The following CELF4 variants were observed in gnomAD, a reference collection of about 807,000 sequenced individuals.
The protein encoded by CELF4 is CUGBP Elav-like family member 4.
In CELF4, 18 loss-of-function variants were observed where a neutral mutation model predicts 59.9. The ratio of observed to expected loss-of-function variants is 0.30; its 90% CI spans 0.21 to 0.45. The LOEUF is 0.45. Ranked by LOEUF, CELF4 falls within the 20% of genes least tolerant of loss-of-function variation. CELF4 has a pLI of 1.00. For synonymous variants in CELF4, 261 were observed against 267.1 expected (o/e 0.98, Z 0.22); for missense variants, 456 against 689.0 (o/e 0.66, Z 3.79).
chr18:37,470,885 T>TGAGAGAGAGAGAGAGAGAGAGAGA (rs1569569558), intron 2 of CELF4, among the ~76,000 whole-genome samples: 1 of 79,602 alleles, frequency 1.3e-5, no homozygotes, highest in Non-Finnish European at 2.5e-5. Context: ...TGTGTGTGTG[T>TGAGAGAGAGAGAGAGAGAGAGAGA]GTGACAGAGA....
At chr18:37,265,149 T>G (rs1025889906) in intron 9 of CELF4, among the ~76,000 whole-genome samples, 94 of 151,424 alleles carry the variant, frequency 6.2e-4, no homozygotes, top group Admixed American at 9.2e-4. Context: ...TGCATGTGTG[T>G]GGGTGTATGT....
intron 2 of CELF4, among the ~76,000 whole-genome samples, chr18:37,336,766 C>T (rs1403056853): frequency 2.6e-5 from 4 of 152,216 alleles, no homozygotes; most frequent in Admixed American, 2.0e-4. Flanking sequence ...TGGCCGATGA[C>T]GGTGGATGCG....
chr18:37,477,184 C>G (rs1356036831), intron 2 of CELF4, among the ~76,000 whole-genome samples: 1 of 152,204 alleles, frequency 6.6e-6, no homozygotes, highest in Non-Finnish European at 1.5e-5. Flanking sequence ...AAGAGGAAAG[C>G]AGGTACAGGC....
chr18:37,319,921 G>A (rs2097032957), intron 3 of CELF4, among the ~76,000 whole-genome samples: 1 of 152,170 alleles, frequency 6.6e-6, no homozygotes, highest in South Asian at 2.1e-4. Context: ...GGGCAGCTGC[G>A]ACTGGCTGTC....
At chr18:37,420,053 T>C (rs1389581043) in intron 2 of CELF4, among the ~76,000 whole-genome samples, 2 of 152,224 alleles carry the variant, frequency 1.3e-5, no homozygotes. Context: ...GACACCCTGC[T>C]GGGAGGCTTG....
At chr18:37,511,051 C>T (rs1043213567) in intron 1 of CELF4, among the ~76,000 whole-genome samples, 3 of 152,280 alleles carry the variant, frequency 2.0e-5, no homozygotes, top group Admixed American at 1.3e-4. Context: ...TCCTGTGTCC[C>T]CCATCCCCCA....
chr18:37,267,303 G>A (rs980407082), intron 8 of CELF4, among the ~76,000 whole-genome samples: 3 of 152,254 alleles, frequency 2.0e-5, no homozygotes, highest in Non-Finnish European at 4.4e-5. Flanking sequence ...TGCCCAGTGG[G>A]AAGAGAGGTC....
rs772692202 is a variant in CELF4, at chr18:37,244,416, T to A, written c.*826A>T. On this transcript the variant is annotated 3_prime_UTR_variant, in exon 13 of 13. Coordinates refer to ENST00000420428, the MANE Select transcript of CELF4 (RefSeq NM_020180.4). ...CAAATATCCACCAATTTGTTCATCT[T>A]TTAACAGCTCCATCCAGACATAGAA... is the stretch of plus-strand genomic sequence containing the variant. 4.6e-5 allele frequency: 7 copies of A among 152,572 alleles called. No individual in the cohort carries two copies. The highest frequency in any genetic ancestry group is 8.8e-5 in the Non-Finnish European group (6 of 68,032). The allele number at this position is 152,572 out of a possible 1,614,324, so 9.5% of individuals were successfully genotyped here.
chr18:37,361,767 T>C (rs886566265), intron 2 of CELF4, among the ~76,000 whole-genome samples: 6 of 150,460 alleles, frequency 4.0e-5, no homozygotes, highest in Non-Finnish European at 8.9e-5. Flanking sequence ...TCCAGCCTCA[T>C]TGGGAAGACT....
chr18:37,262,407 G>A (rs12966638), intron 10 of CELF4, among the ~76,000 whole-genome samples: 3 of 150,702 alleles, frequency 2.0e-5, no homozygotes, highest in African/African-American at 7.4e-5. Context: ...GGTGGGGGAG[G>A]GGGGGGCAGG....
At position 37,565,768 on chromosome 18, in the gene CELF4, A is replaced by T. The variant is rs1249980328; in HGVS notation, c.-127T>A. The stretch of plus-strand genomic sequence containing the variant: ...GTTCTCTCCCCCTCGGTTTCTCTAC[A>T]CCTCGCTCTCCGCTCGCTCTCTGCT... On this transcript the variant is annotated 5_prime_UTR_variant, in exon 1 of 13. Coordinates refer to ENST00000420428, the MANE Select transcript of CELF4 (RefSeq NM_020180.4). The T allele has an allele frequency of 1.6e-6, 1 of 625,640 alleles. No individual in the cohort carries two copies. The highest frequency in any genetic ancestry group is 2.4e-6 in the Non-Finnish European group (1 of 408,400). The allele number at this position is 625,640 out of a possible 1,614,324, so 38.8% of individuals were successfully genotyped here. A position where few individuals can be genotyped will look rare whatever the true frequency, so the allele number is the denominator to read the frequency against.
chr18:37,293,431 G>A (rs1488146515), intron 3 of CELF4, among the ~76,000 whole-genome samples: 7 of 152,182 alleles, frequency 4.6e-5, no homozygotes, highest in African/African-American at 1.7e-4. Context: ...TTCTGTGTCT[G>A]TGTCTAAATT....
In CELF4 at chr18:37,532,718, G is replaced by A. The variant is rs147617051; in HGVS notation, c.286+32638C>T. ...TGTTGTCTATAGAAGTAACAGCCCC[G>A]TATTCAACATATATGGAAACTCAGT... On this transcript the variant is annotated intron_variant, in intron 1 of 12. Transcript: ENST00000420428. Among the ~76,000 whole-genome samples the A allele has an allele frequency of 2.6e-3, 403 of 152,230 alleles. 3 individuals are homozygous for A. Among genetic ancestry groups the A allele is most frequent in the African/African-American group, 8.9e-3 (370 of 41,548 alleles).
At chr18:37,369,320 C>T (rs1430505400) in intron 2 of CELF4, among the ~76,000 whole-genome samples, 2 of 152,156 alleles carry the variant, frequency 1.3e-5, no homozygotes, top group Non-Finnish European at 2.9e-5. Context: ...CCAGTCATTG[C>T]CTCCAGGTGC....
chr18:37,454,296 T>TG (rs199991818), intron 2 of CELF4, among the ~76,000 whole-genome samples: 3,830 of 152,248 alleles, frequency 0.025, 142 homozygotes, highest in African/African-American at 0.087. Flanking sequence ...GCATCTCCTG[T>TG]TTTCCATGCC....
At position 37,254,474 on chromosome 18, in the gene CELF4, A is replaced by C. The variant is rs1318513551; in HGVS notation, c.1334-536T>G. 6.6e-6 allele frequency among the ~76,000 whole-genome samples: 1 copy of C among 150,452 alleles called. No individual in the cohort carries two copies. Among genetic ancestry groups the C allele is most frequent in the Non-Finnish European group, 1.5e-5 (1 of 67,604 alleles). On this transcript the variant is annotated intron_variant, in intron 11 of 12. Coordinates refer to ENST00000420428, the MANE Select transcript of CELF4 (RefSeq NM_020180.4). This position sits in a 1 kb window ranked among gnomAD's most constrained non-coding sequence, Gnocchi z 5.1. Reference sequence around the variant, plus strand: ...GCCCGGCCGCCCCCCTCGCCACCGCAGGTGCCCGGCTGTCGGAGGAGGCCC... The same window carrying C: ...GCCCGGCCGCCCCCCTCGCCACCGCCGGTGCCCGGCTGTCGGAGGAGGCCC...
At chr18:37,431,362 CTTTTTTTTTTTTT>C (rs35971960) in intron 2 of CELF4, among the ~76,000 whole-genome samples, 5 of 81,562 alleles carry the variant, frequency 6.1e-5, no homozygotes, top group East Asian at 4.1e-4. Flanking sequence ...CCTTTCTTTC[CTTTTTTTTTTTTT>C]TTTTTTTTTT....
At chr18:37,452,412 G>A (rs886071895) in intron 2 of CELF4, among the ~76,000 whole-genome samples, 1 of 152,116 alleles carries the variant, frequency 6.6e-6, no homozygotes, top group African/African-American at 2.4e-5. Flanking sequence ...GAACCCCAAG[G>A]TGGACCCAGA....
intron 3 of CELF4, among the ~76,000 whole-genome samples, chr18:37,286,099 G>A (rs1274969633): frequency 6.6e-6 from 1 of 152,114 alleles, no homozygotes; most frequent in Admixed American, 6.5e-5. Flanking sequence ...GCATGGGCGG[G>A]GGGAGGTTTC....
Sources: gnomAD v4.1 joint callset for allele counts (sites outside exome capture counted in the v4.1 genomes callset) on GRCh38, gnomAD v4.1.1 for gene constraint, Gnocchi (gnomAD v3.1) non-coding constraint, MANE v1.5 for transcripts, NCBI Gene and HGNC (gene_info 2026-07-23, HGNC 2026-07-21) for gene names.